Variants in RPL35A observed in about 807,000 individuals in gnomAD.
RPL35A encodes the protein large ribosomal subunit protein eL33.
RPL35A carries 1 observed loss-of-function variant against 16.7 expected under a neutral mutation model. The observed-to-expected ratio is 0.06, with a 90% CI of 0.02 to 0.28. The LOEUF (loss-of-function observed/expected upper bound fraction) is 0.28, where lower values mean the gene tolerates loss of function less well. RPL35A is among the 10% of genes least tolerant of loss of function. RPL35A has a pLI of 1.00. For missense variants in RPL35A, 91 were observed against 138.7 expected, an observed-to-expected ratio of 0.66 and a Z score of 1.73; for synonymous variants, 58 against 47.0, an observed-to-expected ratio of 1.23 and a Z score of -0.96.
chr3:197,953,808 G>C, intron 3 of RPL35A, 195 bp from the exon 4 acceptor site: 1 of 638,276 alleles, frequency 1.6e-6, no homozygotes, highest in Non-Finnish European at 2.8e-6. Flanking sequence ...TATAGCTGCT[G>C]TATTTTACAG....
At chr3:197,953,063 T>G (rs1467510003) in intron 3 of RPL35A, among the ~76,000 whole-genome samples, 1 of 151,902 alleles carries the variant, frequency 6.6e-6, no homozygotes, top group Non-Finnish European at 1.5e-5. Context: ...CCTCCCAAAG[T>G]GCTGGGATTA....
At chr3:197,952,860 T>C (rs949966552) in intron 3 of RPL35A, among the ~76,000 whole-genome samples, 6 of 151,092 alleles carry the variant, frequency 4.0e-5, no homozygotes, top group African/African-American at 1.5e-4. Flanking sequence ...TGAGACAAAG[T>C]GTTGCTCTGT....
intron 3 of RPL35A, 91 bp downstream of exon 3, chr3:197,951,402 G>T: frequency 7.2e-7 from 1 of 1,380,652 alleles, no homozygotes; most frequent in African/African-American, 1.4e-5. Context: ...TGCCGAGGCT[G>T]GAATGCAGTG....
intron 3 of RPL35A, among the ~76,000 whole-genome samples, chr3:197,952,164 T>TTG (rs1553810831): frequency 0.034 from 2,541 of 74,152 alleles, 76 homozygotes; most frequent in South Asian, 0.059. Flanking sequence ...AATTATGGGT[T>TTG]TTTTTTTTTT....
Position 197,951,021 on chromosome 3 carries a change from G to T in RPL35A, c.11+43G>T, listed in dbSNP as rs1720026199. ...AGTTCTTTATTTTTGTGTGTTAGAC[G>T]TGAACGTAAATGCGAGCTTAAAATT... On this transcript the variant is annotated intron_variant, in intron 2 of 4. Coordinates refer to ENST00000647248, the MANE Select transcript of RPL35A (RefSeq NM_000996.4). The T allele has an allele frequency of 7.5e-6, 12 of 1,606,974 alleles. No homozygotes were observed. In the East Asian group the frequency reaches 2.7e-4, roughly 36 times the overall value.
chr3:197,954,342 T>G, intron 4 of RPL35A, 195 bp downstream of exon 4: 1 of 646,906 alleles, frequency 1.5e-6, no homozygotes, highest in South Asian at 1.9e-5. Context: ...TTTTGTTTTT[T>G]TTTTGGGGGG....
chr3:197,955,521 C>G (rs934881657), intron 4 of RPL35A, among the ~76,000 whole-genome samples: 1 of 152,112 alleles, frequency 6.6e-6, no homozygotes, highest in Non-Finnish European at 1.5e-5. Flanking sequence ...CTAGGCCTCC[C>G]AAAGTGATGG....
chr3:197,950,567 C>A, intron 1 of RPL35A: 1 of 333,128 alleles, frequency 3.0e-6, no homozygotes, highest in Non-Finnish European at 5.5e-6. Context: ...CTTTCCTCAG[C>A]TTTTCTCCCC....
At chr3:197,953,778 C>G (rs1720313230) in intron 3 of RPL35A, 1 of 601,362 alleles carries the variant, frequency 1.7e-6, no homozygotes, top group South Asian at 2.0e-5. Context: ...ACTTGGTTAT[C>G]ATGTGAAAGA....
chr3:197,954,564 C>T lies in RPL35A; in HGVS notation c.309+417C>T, dbSNP rs939666697. ...TCACTTTGTCACGCAGGCTGGAGTG[C>T]AGTGGCATGATCTCAGCTTGCTGCT... On this transcript the variant is annotated intron_variant, in intron 4 of 4. Transcript: ENST00000647248. 5 of 301,068 alleles carry T rather than the reference C, an allele frequency of 1.7e-5. No homozygotes were observed. The Admixed American group carries it at 2.0e-4, about 12-fold the overall frequency. 18.6% of individuals were successfully genotyped at this position (301,068 alleles called of 1,614,324 possible).
At chr3:197,952,362 G>A (rs999327356) in intron 3 of RPL35A, among the ~76,000 whole-genome samples, 1 of 151,840 alleles carries the variant, frequency 6.6e-6, no homozygotes, top group East Asian at 1.9e-4. Context: ...TAGAGATGGG[G>A]TTTCACCATT....
chr3:197,953,509 C>T, intron 3 of RPL35A: 1 of 456,522 alleles, frequency 2.2e-6, no homozygotes, highest in Non-Finnish European at 4.4e-6. Flanking sequence ...CCCTTGGTGT[C>T]TTCAGTCTTT....
Position 197,951,197 on chromosome 3 carries a change from G to C in RPL35A, c.50G>C (p.Gly17Ala), listed in dbSNP as rs1304589788. 26 of 1,614,066 alleles carry C rather than the reference G, an allele frequency of 1.6e-5. No individual in the cohort carries two copies. Among genetic ancestry groups the C allele is most frequent in the Non-Finnish European group, 2.2e-5 (26 of 1,180,048 alleles). Residue 17 changes from glycine to alanine, a missense_variant, in exon 3 of 5, where the codon GGT becomes GCT. Physicochemically the swap from Gly to Ala is moderately conservative, Grantham distance 60. Coordinates refer to ENST00000647248, the MANE Select transcript of RPL35A (RefSeq NM_000996.4). ...GCCATTTTTGCTGGCTATAAGCGGG[G>C]TCTCCGGAACCAAAGGGAGCACACA... ...SKAIFAGYKRGLRNQREHTAL... is the reference protein window; with the variant it reads ...SKAIFAGYKRALRNQREHTAL...
At chr3:197,955,622 T>TA (rs1469117291) in intron 4 of RPL35A, 128 bp from the exon 5 acceptor site, 11 of 855,954 alleles carry the variant, frequency 1.3e-5, no homozygotes, top group Non-Finnish European at 2.2e-5. Context: ...CTGAAGGCTA[T>TA]AAAAACTTTC....
intron 3 of RPL35A, chr3:197,951,564 GC>G (rs1216479389): frequency 2.2e-6 from 1 of 462,980 alleles, no homozygotes; most frequent in East Asian, 4.4e-5. Context: ...TGTTGGCCAG[GC>G]TGGTCCCAAA....
At chr3:197,953,554 G>C (rs1581104691) in intron 3 of RPL35A, 4 of 457,180 alleles carry the variant, frequency 8.7e-6, no homozygotes, top group South Asian at 4.6e-5. Context: ...TGGCCCCAGT[G>C]CCTGCGCTAG....
At chr3:197,952,734 T>TC (rs1351060207) in intron 3 of RPL35A, 1 of 152,098 alleles carries the variant, frequency 6.6e-6, no homozygotes, top group Non-Finnish European at 1.5e-5. Flanking sequence ...CCTCAAGTAA[T>TC]CCACCTGCCT....
intron 1 of RPL35A, 36 bp downstream of exon 1, chr3:197,950,257 A>C: frequency 8.1e-7 from 1 of 1,230,400 alleles, no homozygotes; most frequent in Non-Finnish European, 1.0e-6. Context: ...TTTGGGGGCA[A>C]ATAACCGGAG....
intron 3 of RPL35A, 79 bp from the exon 4 acceptor site, chr3:197,953,924 C>T: frequency 1.4e-6 from 2 of 1,465,594 alleles, no homozygotes; most frequent in South Asian, 2.3e-5. Flanking sequence ...GGGTTGAGAG[C>T]CACTCGTGTA....
Sources: gnomAD v4.1 joint callset for allele counts (sites outside exome capture counted in the v4.1 genomes callset) on GRCh38, gnomAD v4.1.1 for gene constraint, MANE v1.5 for transcripts, NCBI Gene and HGNC (gene_info 2026-07-23, HGNC 2026-07-21) for gene names.